UGT1A4: variants seen among roughly 807,000 people sequenced by gnomAD.
UGT1A4 encodes the protein UDP glucuronosyltransferase family 1 member A4.
Under a neutral mutation model 41.1 loss-of-function variants are expected in UGT1A4, and 32 were observed. The ratio of observed to expected loss-of-function variants is 0.78; its 90% CI spans 0.59 to 1.05. The LOEUF is 1.05. Ranked by LOEUF, UGT1A4 falls within the 50% of genes least tolerant of loss-of-function variation. The probability of loss-of-function intolerance (pLI) is 0.00; values close to 1 mark genes in which losing one functional copy is unlikely to be tolerated. For synonymous variants in UGT1A4, 283 were observed against 265.1 expected (o/e 1.07, Z -0.66); for missense variants, 748 against 677.4 (o/e 1.10, Z -1.16).
intron 1 of UGT1A4, among the ~76,000 whole-genome samples, chr2:233,720,207 G>A (rs764211548): frequency 6.6e-6 from 1 of 152,150 alleles, no homozygotes; most frequent in Non-Finnish European, 1.5e-5. Flanking sequence ...TGTGAAGGTG[G>A]GATGGATGCA....
chr2:233,743,470 G>C (rs1240539380), intron 1 of UGT1A4: 5 of 1,366,644 alleles, frequency 3.7e-6, no homozygotes, highest in Middle Eastern at 4.2e-4. Flanking sequence ...ACCCCCAAAA[G>C]CTGGAAATTC....
At chr2:233,731,419 A>G (rs768089383) in intron 1 of UGT1A4, among the ~76,000 whole-genome samples, 3 of 151,914 alleles carry the variant, frequency 2.0e-5, no homozygotes, top group Non-Finnish European at 4.4e-5. Flanking sequence ...ATTTTTCCTA[A>G]TGCCATCCCT....
chr2:233,760,246 A>G lies in UGT1A4; in HGVS notation c.868-6788A>G. 2.5e-6 allele frequency: 4 copies of G among 1,608,942 alleles called. No individual in the cohort carries two copies. In the South Asian group the frequency reaches 3.3e-5, roughly 13 times the overall value. On this transcript the variant is annotated intron_variant, in intron 1 of 4. Coordinates refer to ENST00000373409, the MANE Select transcript of UGT1A4 (RefSeq NM_007120.3). ...ATTGGTTTTTGCCATATATATATAT[A>G]TAAGTAGGAGAGGGCGAACCTCTGG...
At chr2:233,753,902 T>C (rs1695339006) in intron 1 of UGT1A4, among the ~76,000 whole-genome samples, 1 of 152,224 alleles carries the variant, frequency 6.6e-6, no homozygotes, top group African/African-American at 2.4e-5. Context: ...AACATGCTTC[T>C]TACACCGATT....
In UGT1A4 at chr2:233,736,924, C is replaced by T. The variant is rs544385943; in HGVS notation, c.867+17237C>T. The stretch of plus-strand genomic sequence containing the variant: ...TCCTCTGGAAGCTTCATACCAGAGG[C>T]GCACCCACCTATATGAGGTGTCTGT... On this transcript the variant is annotated intron_variant, in intron 1 of 4. Coordinates refer to ENST00000373409, the MANE Select transcript of UGT1A4 (RefSeq NM_007120.3). Among the ~76,000 whole-genome samples the T allele has an allele frequency of 2.3e-4, 35 of 152,234 alleles. No homozygotes were observed. The South Asian group carries it at 6.0e-3, about 26-fold the overall frequency.
chr2:233,738,751 A>G (rs1205771191), intron 1 of UGT1A4, among the ~76,000 whole-genome samples: 1 of 152,150 alleles, frequency 6.6e-6, no homozygotes, highest in Non-Finnish European at 1.5e-5. Context: ...ATGTGGTAGA[A>G]AAGAAAAACC....
chr2:233,747,917 C>T, intron 1 of UGT1A4: 6 of 1,613,510 alleles, frequency 3.7e-6, no homozygotes, highest in Non-Finnish European at 5.1e-6. Flanking sequence ...CAAGCCTTGC[C>T]TCTGAGCTTT....
intron 1 of UGT1A4, chr2:233,738,809 G>T (rs149365680): frequency 6.6e-6 from 1 of 152,200 alleles, no homozygotes; most frequent in Non-Finnish European, 1.5e-5. Context: ...ACTAGCTAAA[G>T]AAATTTGAAT....
In UGT1A4 at chr2:233,772,930, T is replaced by A; in HGVS notation, c.*371T>A. On this transcript the variant is annotated 3_prime_UTR_variant, in exon 5 of 5. Coordinates refer to ENST00000373409, the MANE Select transcript of UGT1A4 (RefSeq NM_007120.3). ...CCTACTGCAAATGGCAGTTTTAATC[T>A]TATCTTTTGGCTTCTGCAGATGGTT... The A allele has an allele frequency of 2.9e-6, 1 of 350,402 alleles. No individual in the cohort carries two copies. The highest frequency in any genetic ancestry group is 3.0e-5 in the South Asian group (1 of 32,922). The allele number at this position is 350,402 out of a possible 1,614,324, so 21.7% of individuals were successfully genotyped here.
chr2:233,742,382 T>C (rs1691962910), intron 1 of UGT1A4, among the ~76,000 whole-genome samples: 1 of 152,014 alleles, frequency 6.6e-6, no homozygotes, highest in Admixed American at 6.5e-5. Flanking sequence ...AAGGCACAGA[T>C]GGCTCATGTT....
chr2:233,745,551 C>G (rs548824716), intron 1 of UGT1A4, among the ~76,000 whole-genome samples: 2 of 151,716 alleles, frequency 1.3e-5, no homozygotes, highest in Admixed American at 6.5e-5. Context: ...GAACAAACTT[C>G]TAAGTTTATA....
chr2:233,767,167 T>C lies in UGT1A4; in HGVS notation c.999+2T>C. ...GCTTTGGGCAAAATCCCTCAGACAG[T>C]AAGAAGATTCTATACCATGGCCTCA... On this transcript the variant is annotated splice_donor_variant, in intron 2 of 4. Coordinates refer to ENST00000373409, the MANE Select transcript of UGT1A4 (RefSeq NM_007120.3). LOFTEE classifies it high-confidence loss of function. The C allele has an allele frequency of 2.5e-6, 4 of 1,614,068 alleles. No homozygotes were observed. The highest frequency in any genetic ancestry group is 3.4e-6 in the Non-Finnish European group (4 of 1,180,002).
rs34150486 is a variant in UGT1A4, at chr2:233,743,623, G to A, written c.868-23411G>A. 20 of 1,367,332 alleles carry A rather than the reference G, an allele frequency of 1.5e-5. No homozygotes were observed. In the South Asian group the frequency reaches 1.8e-4, roughly 12 times the overall value. 84.7% of individuals were successfully genotyped at this position (1,367,332 alleles called of 1,614,324 possible). A position where few individuals can be genotyped will look rare whatever the true frequency, so the allele number is the denominator to read the frequency against. ...GGCCGCCGAAGAACTCCCTGAAGAC[G>A]TCGGCTGGGTCGCGGAAGCTGAAGA... On this transcript the variant is annotated intron_variant, in intron 1 of 4. Transcript: ENST00000373409.
intron 1 of UGT1A4, among the ~76,000 whole-genome samples, chr2:233,757,579 A>G (rs962970301): frequency 1.1e-5 from 1 of 92,092 alleles, no homozygotes; most frequent in Non-Finnish European, 2.2e-5. Flanking sequence ...TGATATAGCT[A>G]TAGTCTAATA....
At chr2:233,726,418 C>G (rs1368696095) in intron 1 of UGT1A4, among the ~76,000 whole-genome samples, 1 of 152,176 alleles carries the variant, frequency 6.6e-6, no homozygotes, top group African/African-American at 2.4e-5. Flanking sequence ...CATTCTGATT[C>G]TGTCCACTCT....
In UGT1A4 at chr2:233,772,637, A is replaced by G; in HGVS notation, c.*78A>G. ...AACTTGAAAACAGAATCAGTGTTAA[A>G]TTCATTTTATTCTTATTAAGGAAAT... On this transcript the variant is annotated 3_prime_UTR_variant, in exon 5 of 5. Transcript: ENST00000373409. The G allele has an allele frequency of 1.5e-5, 23 of 1,552,946 alleles. No individual in the cohort carries two copies. Among genetic ancestry groups the G allele is most frequent in the Non-Finnish European group, 2.0e-5 (23 of 1,148,470 alleles).
chr2:233,752,978 A>G (rs961719654), intron 1 of UGT1A4, among the ~76,000 whole-genome samples: 31 of 152,180 alleles, frequency 2.0e-4, no homozygotes, highest in Middle Eastern at 3.2e-3. Flanking sequence ...AATTGTGTAG[A>G]TACAAACCCA....
chr2:233,739,125 T>C (rs1690989547), intron 1 of UGT1A4: 1 of 152,272 alleles, frequency 6.6e-6, no homozygotes. Flanking sequence ...ACACAGAAGA[T>C]AAGAATTTAG....
intron 1 of UGT1A4, chr2:233,755,457 C>G: frequency 1.4e-5 from 4 of 284,208 alleles, no homozygotes; most frequent in Non-Finnish European, 2.8e-5. Context: ...TGGGACTGGC[C>G]CTGCTCTCTG....
Sources: gnomAD v4.1 joint callset for allele counts (sites outside exome capture counted in the v4.1 genomes callset) on GRCh38, gnomAD v4.1.1 for gene constraint, MANE v1.5 for transcripts, NCBI Gene and HGNC (gene_info 2026-07-23, HGNC 2026-07-21) for gene names.